EMILIN2: variants seen among roughly 807,000 people sequenced by gnomAD.
EMILIN2 encodes EMILIN-2.
EMILIN2 carries 71 observed loss-of-function variants against 87.1 expected under a neutral mutation model. That is an observed-to-expected ratio of 0.82 (90% confidence interval 0.67 to 0.99). The LOEUF (loss-of-function observed/expected upper bound fraction) is 0.99, where lower values mean the gene tolerates loss of function less well. EMILIN2 is among the 50% of genes least tolerant of loss of function. EMILIN2 has a pLI of 0.00. For synonymous variants in EMILIN2, 581 were observed against 563.4 expected, an observed-to-expected ratio of 1.03 and a Z score of -0.44; for missense variants, 1,407 against 1,371.8, an observed-to-expected ratio of 1.03 and a Z score of -0.40.
At position 2,891,838 on chromosome 18, in the gene EMILIN2, A is replaced by G. The variant is rs1366099989; in HGVS notation, c.1711A>G (p.Arg571Gly). 2.5e-6 allele frequency: 4 copies of G among 1,614,256 alleles called. No homozygotes were observed. The highest frequency in any genetic ancestry group is 3.4e-6 in the Non-Finnish European group (4 of 1,180,036). ...PHGMEGALPN[R>G]EDRAVRDSLH... is the part of the protein sequence containing the mutation. ...TGGGATGGAAGGTGCCTTGCCAAAC[A>G]GGGAAGACCGCGCAGTACGCGACAG... is the stretch of plus-strand genomic sequence containing the variant. The change falls in exon 4 of 8, where the codon AGG (arginine) becomes GGG (glycine). Residue 571 changes from arginine to glycine, a missense_variant. Arg to Gly is a moderately radical substitution (Grantham distance 125, BLOSUM62 -2). Coordinates refer to ENST00000254528, the MANE Select transcript of EMILIN2 (RefSeq NM_032048.3). The surrounding 1 kb of genome is among the most constrained non-coding windows in gnomAD (Gnocchi z 4.6).
intron 2 of EMILIN2, among the ~76,000 whole-genome samples, chr18:2,878,930 G>C (rs1424165024): frequency 1.3e-5 from 2 of 152,194 alleles, no homozygotes; most frequent in Non-Finnish European, 2.9e-5. Flanking sequence ...CCCCAAGGGG[G>C]CAACGGGTTT....
intron 2 of EMILIN2, among the ~76,000 whole-genome samples, chr18:2,864,276 G>T (rs1256928352): frequency 1.3e-5 from 2 of 152,176 alleles, no homozygotes; most frequent in Admixed American, 6.5e-5. Context: ...TTGTTAGCTG[G>T]TTATTTTGCT....
At chr18:2,863,034 G>T (rs1228501028) in intron 2 of EMILIN2, among the ~76,000 whole-genome samples, 1 of 152,132 alleles carries the variant, frequency 6.6e-6, no homozygotes, top group African/African-American at 2.4e-5. Flanking sequence ...ATTCTCTGAT[G>T]GTAGTTTGTA....
chr18:2,892,924 C>T (rs1026517553), intron 4 of EMILIN2, among the ~76,000 whole-genome samples: 4 of 150,766 alleles, frequency 2.7e-5, no homozygotes, highest in Non-Finnish European at 2.9e-5. Context: ...TGGTGGCACG[C>T]GCCTGTAGTC....
At chr18:2,883,904 G>C (rs149599109) in intron 2 of EMILIN2, among the ~76,000 whole-genome samples, 2,111 of 152,328 alleles carry the variant, frequency 0.014, 45 homozygotes, top group African/African-American at 0.048. Flanking sequence ...GGGAGGTGCA[G>C]CGGTAAACAC....
At position 2,894,688 on chromosome 18, in the gene EMILIN2, C is replaced by T. The variant is rs1354859835; in HGVS notation, c.2359+2202C>T. Among the ~76,000 whole-genome samples, 3 of 152,144 alleles carry T rather than the reference C, an allele frequency of 2.0e-5. No individual in the cohort carries two copies. The highest frequency in any genetic ancestry group is 4.4e-5 in the Non-Finnish European group (3 of 68,026). ...CAAAACATTATCCCTTTGGACTGAACTCATTGTGGTGAGTGTAGACTGCAT... is the reference window on the plus strand; with the variant it reads ...CAAAACATTATCCCTTTGGACTGAATTCATTGTGGTGAGTGTAGACTGCAT... On this transcript the variant is annotated intron_variant, in intron 4 of 7. Transcript: ENST00000254528. The surrounding 1 kb of genome is among the most constrained non-coding windows in gnomAD (Gnocchi z 5.0).
In EMILIN2 at chr18:2,914,980, C is replaced by T. The variant is rs868362231; in HGVS notation, c.*1576C>T. The T allele has an allele frequency of 1.3e-5, 2 of 152,250 alleles. No homozygotes were observed. The highest frequency in any genetic ancestry group is 2.4e-5 in the African/African-American group (1 of 41,436). The allele number at this position is 152,250 out of a possible 1,614,324, so 9.4% of individuals were successfully genotyped here. ...CCTAGGAATGACTCATGGAAAGCGC[C>T]CCAGTGCAGCAGTGTTTTCAGGAAA... On this transcript the variant is annotated 3_prime_UTR_variant, in exon 8 of 8. Transcript: ENST00000254528.
intron 4 of EMILIN2, among the ~76,000 whole-genome samples, chr18:2,905,375 A>C (rs944022831): frequency 1.3e-5 from 2 of 151,508 alleles, no homozygotes; most frequent in African/African-American, 4.9e-5. Flanking sequence ...TTATGTGTAC[A>C]GAGTAGATAT....
rs968089557 is a variant in EMILIN2 at position 2,914,297 on chromosome 18, T to G, written c.*893T>G. On this transcript the variant is annotated 3_prime_UTR_variant, in exon 8 of 8. Transcript: ENST00000254528. ...TGTGCACGGAGGTCAAGGCCCCATGTCATCTGCAGCTGGAGCGGCTCCTCT... is the reference window on the plus strand; with the variant it reads ...TGTGCACGGAGGTCAAGGCCCCATGGCATCTGCAGCTGGAGCGGCTCCTCT... 6.6e-6 allele frequency: 1 copy of G among 152,228 alleles called. No homozygotes were observed. The highest frequency in any genetic ancestry group is 6.5e-5 in the Admixed American group (1 of 15,272). 9.4% of individuals were successfully genotyped at this position (152,228 alleles called of 1,614,324 possible). A position where few individuals can be genotyped will look rare whatever the true frequency, so the allele number is the denominator to read the frequency against.
chr18:2,893,075 C>T (rs754298105), intron 4 of EMILIN2, among the ~76,000 whole-genome samples: 4 of 151,924 alleles, frequency 2.6e-5, no homozygotes, highest in Non-Finnish European at 5.9e-5. Context: ...AACAACATTG[C>T]AGTATTTAAG....
In EMILIN2 at chr18:2,904,710, G is replaced by T. The variant is rs539572647; in HGVS notation, c.2360-2073G>T. Reference sequence around the variant, plus strand: ...CTTGCACTGTGTCTGTCTCTTTAGAGTTCCTTTTCTTTAGTTGGTGTGGCT... The same window carrying T: ...CTTGCACTGTGTCTGTCTCTTTAGATTTCCTTTTCTTTAGTTGGTGTGGCT... On this transcript the variant is annotated intron_variant, in intron 4 of 7. Coordinates refer to ENST00000254528, the MANE Select transcript of EMILIN2 (RefSeq NM_032048.3). Among the ~76,000 whole-genome samples the T allele has an allele frequency of 3.9e-5, 6 of 152,322 alleles. No individual in the cohort carries two copies. In the South Asian group the frequency reaches 1.2e-3, roughly 32 times the overall value.
At chr18:2,887,941 A>C (rs2076811155) in intron 3 of EMILIN2, among the ~76,000 whole-genome samples, 1 of 152,202 alleles carries the variant, frequency 6.6e-6, no homozygotes. Context: ...TGCTGGGGTT[A>C]CAGGCAGAAC....
chr18:2,851,649 G>C (rs914916229), intron 2 of EMILIN2, among the ~76,000 whole-genome samples: 6 of 152,210 alleles, frequency 3.9e-5, no homozygotes, highest in African/African-American at 1.4e-4. Flanking sequence ...CAGGTGCCTT[G>C]TCAGAAGGAT....
rs374470230 is a variant in EMILIN2, at chr18:2,900,002, C to T, written c.2360-6781C>T. On this transcript the variant is annotated intron_variant, in intron 4 of 7. Coordinates refer to ENST00000254528, the MANE Select transcript of EMILIN2 (RefSeq NM_032048.3). Reference sequence around the variant, plus strand: ...AGTTTGTACTTTGCAGAAATTTAGACGCATTTTCTATATTTAGCCCTATCC... The same window carrying T: ...AGTTTGTACTTTGCAGAAATTTAGATGCATTTTCTATATTTAGCCCTATCC... 7.9e-5 allele frequency among the ~76,000 whole-genome samples: 12 copies of T among 152,098 alleles called. No homozygotes were observed. The East Asian group carries it at 1.2e-3, about 15-fold the overall frequency.
intron 3 of EMILIN2, among the ~76,000 whole-genome samples, chr18:2,888,279 C>T (rs34765330): frequency 0.14 from 20,768 of 152,168 alleles, 1,656 homozygotes; most frequent in South Asian, 0.31. Flanking sequence ...GCAATTTGCA[C>T]AGTCACCGTG....
rs1254415915 is a variant in EMILIN2, at chr18:2,847,066, C to T, written c.-123C>T. ...GGCCGCGGAGCACTGGTTGGAGCGC[C>T]GCGAAGCGCCCGAGCCTCTTGCCTT... is the stretch of plus-strand genomic sequence containing the variant. On this transcript the variant is annotated 5_prime_UTR_variant, in exon 1 of 8. Coordinates refer to ENST00000254528, the MANE Select transcript of EMILIN2 (RefSeq NM_032048.3). This position sits in a 1 kb window ranked among gnomAD's most constrained non-coding sequence, Gnocchi z 4.5. 1.9e-6 allele frequency: 2 copies of T among 1,078,818 alleles called. No individual in the cohort carries two copies. The highest frequency in any genetic ancestry group is 2.3e-6 in the Non-Finnish European group (2 of 882,598). The allele number at this position is 1,078,818 out of a possible 1,614,324, so 66.8% of individuals were successfully genotyped here.
rs1294784350 is a variant in EMILIN2 at position 2,894,865 on chromosome 18, A to G, written c.2359+2379A>G. ...TGGAGCTAAGGTCACAATGAAAGTG[A>G]CATGTCAATCAGTTAAAAGTCAACA... On this transcript the variant is annotated intron_variant, in intron 4 of 7. Transcript: ENST00000254528. The surrounding 1 kb of genome is among the most constrained non-coding windows in gnomAD (Gnocchi z 5.0). Among the ~76,000 whole-genome samples the G allele has an allele frequency of 6.6e-6, 1 of 152,180 alleles. No homozygotes were observed. The highest frequency in any genetic ancestry group is 1.5e-5 in the Non-Finnish European group (1 of 68,038).
chr18:2,859,614 T>C (rs2076650654), intron 2 of EMILIN2, among the ~76,000 whole-genome samples: 1 of 152,252 alleles, frequency 6.6e-6, no homozygotes, highest in South Asian at 2.1e-4. Flanking sequence ...TTGCATGTGC[T>C]TTTGCATTCT....
intron 2 of EMILIN2, among the ~76,000 whole-genome samples, chr18:2,853,820 A>C (rs11659151): frequency 0.23 from 35,425 of 152,154 alleles, 4,294 homozygotes; most frequent in South Asian, 0.27. Flanking sequence ...CCTCCCTGTC[A>C]GGGTGGAATG....
Sources: allele counts gnomAD v4.1 joint callset (sites outside exome capture counted in the v4.1 genomes callset), GRCh38; gene constraint gnomAD v4.1.1; non-coding constraint Gnocchi (gnomAD v3.1); transcripts MANE v1.5; gene names NCBI Gene and HGNC (gene_info 2026-07-23, HGNC 2026-07-21).